The following ANKFN1 variants were observed in gnomAD, a reference collection of about 807,000 sequenced individuals.
The protein encoded by ANKFN1 is ankyrin repeat and fibronectin type III domain containing 1.
In ANKFN1, 74 loss-of-function variants were observed where a neutral mutation model predicts 108.7. The observed-to-expected ratio is 0.68, with a 90% CI of 0.56 to 0.83. The LOEUF (loss-of-function observed/expected upper bound fraction) is 0.83, where lower values mean the gene tolerates loss of function less well. Among genes scored for constraint, ANKFN1 ranks in the 40% least tolerant of loss-of-function variants. The pLI, the probability that ANKFN1 is intolerant of heterozygous loss-of-function variation, is 0.00. For missense variants in ANKFN1, 1,505 were observed against 1,382.3 expected, an observed-to-expected ratio of 1.09 and a Z score of -1.41; for synonymous variants, 547 against 516.2, an observed-to-expected ratio of 1.06 and a Z score of -0.81.
At chr17:56,427,766 C>T (rs986813742) in intron 8 of ANKFN1, among the ~76,000 whole-genome samples, 11 of 152,146 alleles carry the variant, frequency 7.2e-5, no homozygotes, top group African/African-American at 2.4e-4. Flanking sequence ...TTATTACTTT[C>T]TCCCCATATG....
At chr17:56,301,505 G>A (rs945924169) in intron 3 of ANKFN1, among the ~76,000 whole-genome samples, 4 of 152,204 alleles carry the variant, frequency 2.6e-5, no homozygotes, top group African/African-American at 9.7e-5. Flanking sequence ...AATGGCCCAA[G>A]CTAAGGCTTT....
chr17:56,292,939 C>T (rs1444005962), intron 3 of ANKFN1, among the ~76,000 whole-genome samples: 2 of 152,200 alleles, frequency 1.3e-5, no homozygotes, highest in African/African-American at 4.8e-5. Context: ...ATAACTATCA[C>T]CAGTGAAGCA....
At chr17:56,304,169 C>T (rs955324573) in intron 3 of ANKFN1, among the ~76,000 whole-genome samples, 1 of 152,128 alleles carries the variant, frequency 6.6e-6, no homozygotes, top group Non-Finnish European at 1.5e-5. Context: ...GCCCCTACCC[C>T]CTCCTTAACT....
chr17:56,391,753 A>C (rs865780653), intron 8 of ANKFN1, among the ~76,000 whole-genome samples: 1 of 152,080 alleles, frequency 6.6e-6, no homozygotes, highest in Non-Finnish European at 1.5e-5. Flanking sequence ...AAGAGCTACT[A>C]AGTGATGTTA....
chr17:56,329,517 T>C (rs903387088), intron 4 of ANKFN1, among the ~76,000 whole-genome samples: 1 of 152,200 alleles, frequency 6.6e-6, no homozygotes, highest in Non-Finnish European at 1.5e-5. Flanking sequence ...CCCTCTGTGC[T>C]ACTTCTATGT....
intron 3 of ANKFN1, among the ~76,000 whole-genome samples, chr17:56,313,749 G>A (rs1567906207): frequency 6.6e-6 from 1 of 152,290 alleles, no homozygotes; most frequent in East Asian, 1.9e-4. Context: ...TCTCTGTAAG[G>A]TAGCTAAGGC....
intron 13 of ANKFN1, 102 bp downstream of exon 13, chr17:56,457,491 G>T: frequency 7.6e-7 from 1 of 1,320,940 alleles, no homozygotes; most frequent in East Asian, 2.4e-5. Context: ...TCAGAGTTTT[G>T]GGGTAGAAAT....
intron 1 of ANKFN1, among the ~76,000 whole-genome samples, chr17:56,200,969 C>T (rs1338742215): frequency 6.6e-6 from 1 of 152,198 alleles, no homozygotes; most frequent in African/African-American, 2.4e-5. Context: ...CTAGATTTCT[C>T]CTTGCATCTC....
chr17:56,425,187 T>G (rs1218736880), intron 8 of ANKFN1, among the ~76,000 whole-genome samples: 1 of 151,936 alleles, frequency 6.6e-6, no homozygotes, highest in African/African-American at 2.4e-5. Context: ...GAGCTTGTGA[T>G]GCTGTGATGC....
chr17:56,207,527 T>C (rs780104395), intron 1 of ANKFN1, among the ~76,000 whole-genome samples: 41 of 152,314 alleles, frequency 2.7e-4, no homozygotes, highest in Non-Finnish European at 5.3e-4. Flanking sequence ...CAGGCCTTGA[T>C]TGAATTATGC....
intron 8 of ANKFN1, among the ~76,000 whole-genome samples, chr17:56,380,636 C>T (rs1219581101): frequency 6.6e-6 from 1 of 152,202 alleles, no homozygotes; most frequent in Non-Finnish European, 1.5e-5. Flanking sequence ...AGATTATATC[C>T]CACACATGGC....
intron 3 of ANKFN1, among the ~76,000 whole-genome samples, chr17:56,279,002 G>T (rs1323874765): frequency 6.6e-6 from 1 of 152,018 alleles, no homozygotes; most frequent in Admixed American, 6.6e-5. Flanking sequence ...TGAGACTTTT[G>T]CTGGAAGCAT....
At chr17:56,463,676 C>T (rs1020507315) in intron 14 of ANKFN1, 2 of 152,222 alleles carry the variant, frequency 1.3e-5, no homozygotes, top group African/African-American at 4.8e-5. Flanking sequence ...AAATCTGACA[C>T]TGCAGATTGT....
At chr17:56,341,608 T>C (rs1203693318) in intron 4 of ANKFN1, among the ~76,000 whole-genome samples, 2 of 152,120 alleles carry the variant, frequency 1.3e-5, no homozygotes, top group African/African-American at 4.8e-5. Flanking sequence ...TGAATCACAT[T>C]TATTGATTTG....
chr17:56,514,916 C>T lies in ANKFN1; in HGVS notation c.*3647C>T, dbSNP rs2051873493. ...GGACCCTCGTTCATTGTTATCCTGC[C>T]ACACAAATGTGCGCCCTGGTGAGTT... On this transcript the variant is annotated 3_prime_UTR_variant, in exon 21 of 21. Transcript: ENST00000682825. Among the ~76,000 whole-genome samples the T allele has an allele frequency of 6.6e-6, 1 of 152,088 alleles. No individual in the cohort carries two copies. Among genetic ancestry groups the T allele is most frequent in the Non-Finnish European group, 1.5e-5 (1 of 68,006 alleles).
intron 4 of ANKFN1, among the ~76,000 whole-genome samples, chr17:56,339,115 T>C (rs2045894586): frequency 6.6e-6 from 1 of 152,144 alleles, no homozygotes; most frequent in Non-Finnish European, 1.5e-5. Flanking sequence ...CTTCTTTTGT[T>C]AAATTTATTT....
rs567333825 is a variant in ANKFN1, at chr17:56,283,524, G to GATATATATAT, written c.54-42692_54-42683dup. ...ATCAACAAATGGATAAAGAAACTGT[G>GATATATATAT]ATATATATATATATGATGGAATACT... On this transcript the variant is annotated intron_variant, in intron 3 of 20. Coordinates refer to ENST00000682825, the MANE Select transcript of ANKFN1 (RefSeq NM_001370326.1). Among the ~76,000 whole-genome samples the GATATATATAT allele has an allele frequency of 3.1e-3, 438 of 141,586 alleles. 44 individuals are homozygous for GATATATATAT. The highest frequency in any genetic ancestry group is 0.012 in the African/African-American group (407 of 33,370). The allele number at this position is 141,586 out of a possible 152,430, so 92.9% of individuals were successfully genotyped here.
intron 16 of ANKFN1, among the ~76,000 whole-genome samples, chr17:56,478,038 G>A (rs1369460786): frequency 6.6e-6 from 1 of 152,116 alleles, no homozygotes; most frequent in Non-Finnish European, 1.5e-5. Flanking sequence ...TGTTGGTCGG[G>A]CTGGTCTCGA....
chr17:56,136,488 T>A (rs756081129), intron 4 of ANKFN1, among the ~76,000 whole-genome samples: 2 of 152,204 alleles, frequency 1.3e-5, no homozygotes, highest in Non-Finnish European at 2.9e-5. Flanking sequence ...CTGGGAAGAA[T>A]GTATTTGGCA....
Sources: gnomAD v4.1 joint callset for allele counts (sites outside exome capture counted in the v4.1 genomes callset) on GRCh38, gnomAD v4.1.1 for gene constraint, MANE v1.5 for transcripts, NCBI Gene and HGNC (gene_info 2026-07-23, HGNC 2026-07-21) for gene names.